Variants in CEP290 observed in about 807,000 individuals in gnomAD.
CEP290 encodes centrosomal protein 290.
In CEP290, 317 loss-of-function variants were observed where a neutral mutation model predicts 344.9. The observed-to-expected ratio is 0.92, with a 90% CI of 0.84 to 1.01. CEP290 has a LOEUF of 1.01. Among genes scored for constraint, CEP290 ranks in the 50% least tolerant of loss-of-function variants. CEP290 has a pLI of 0.00. For missense variants in CEP290, 2,754 were observed against 2,761.4 expected (o/e 1.00, Z 0.06); for synonymous variants, 932 against 895.8 (o/e 1.04, Z -0.72).
intron 39 of CEP290, 51 bp from the exon 40 acceptor site, chr12:88,077,969 A>G: frequency 1.3e-6 from 1 of 779,458 alleles, no homozygotes; most frequent in Admixed American, 3.5e-5. Flanking sequence ...AGAAGTATCA[A>G]TGATAAAAGG....
At chr12:88,097,594 TACACACACACACACATACACACACACAC>T (rs918102295) in intron 26 of CEP290, among the ~76,000 whole-genome samples, 6 of 118,674 alleles carry the variant, frequency 5.1e-5, no homozygotes, top group African/African-American at 1.8e-4. Context: ...CATATATATA[TACACACACACACACATACACACACACAC>T]ACACACACAC....
At chr12:88,139,050 T>C in intron 5 of CEP290, 95 bp downstream of exon 5, 3 of 679,176 alleles carry the variant, frequency 4.4e-6, no homozygotes, top group South Asian at 1.7e-5. Context: ...CAATCATCCT[T>C]ATAATTTTTC....
At chr12:88,085,656 C>T (rs2036523345) in intron 34 of CEP290, among the ~76,000 whole-genome samples, 1 of 152,008 alleles carries the variant, frequency 6.6e-6, no homozygotes, top group African/African-American at 2.4e-5. Flanking sequence ...ACCTTCAACC[C>T]TTTAACCATG....
At chr12:88,139,892 CGTGCCATCATGCTTGGT>C (rs1176711978) in intron 3 of CEP290, among the ~76,000 whole-genome samples, 1 of 151,902 alleles carries the variant, frequency 6.6e-6, no homozygotes, top group Non-Finnish European at 1.5e-5. Flanking sequence ...TCATGCTTGG[CGTGCCATCATGCTTGGT>C]GTGCCATCAT....
chr12:88,073,899 T>A (rs2035567905), intron 41 of CEP290, among the ~76,000 whole-genome samples: 1 of 152,212 alleles, frequency 6.6e-6, no homozygotes. Context: ...TTTTACCTTA[T>A]TTAATTCAGC....
intron 53 of CEP290, 197 bp from the exon 54 acceptor site, chr12:88,049,611 G>A: frequency 2.2e-6 from 1 of 447,612 alleles, no homozygotes; most frequent in Non-Finnish European, 4.0e-6. Flanking sequence ...GTCAAGTCCA[G>A]TTATGTATTC....
rs2039095487 is a variant in CEP290, at chr12:88,117,050, T to C, written c.1807A>G (p.Ser603Gly). ...ACTATTACCTTTGATTGTGCTTCAC[T>C]CATATTTTTGAGGCTCAATAAATCC... Reference protein sequence around the residue: ...KLDLLSLKNMSEAQSKNEFLS... With the variant: ...KLDLLSLKNMGEAQSKNEFLS... The change falls in exon 18 of 54, where the codon AGT becomes GGT. Residue 603 changes from serine (S) to glycine (G), a missense_variant. Coordinates refer to ENST00000552810, the MANE Select transcript of CEP290 (RefSeq NM_025114.4). 1.3e-6 allele frequency: 2 copies of C among 1,488,290 alleles called. No individual in the cohort carries two copies. The highest frequency in any genetic ancestry group is 1.8e-6 in the Non-Finnish European group (2 of 1,085,642). The allele number at this position is 1,488,290 out of a possible 1,614,324, so 92.2% of individuals were successfully genotyped here.
chr12:88,101,926 A>G (rs2037921819), intron 26 of CEP290, among the ~76,000 whole-genome samples: 1 of 152,216 alleles, frequency 6.6e-6, no homozygotes, highest in African/African-American at 2.4e-5. Flanking sequence ...TTACTTCTAA[A>G]TAATATTGAT....
intron 20 of CEP290, among the ~76,000 whole-genome samples, chr12:88,113,289 T>C (rs1334203173): frequency 2.0e-5 from 3 of 152,056 alleles, no homozygotes; most frequent in African/African-American, 4.8e-5. Flanking sequence ...GTAGTGGGCA[T>C]CATCACGGAC....
chr12:88,124,732 C>T (rs1471729042), intron 13 of CEP290, among the ~76,000 whole-genome samples: 1 of 151,990 alleles, frequency 6.6e-6, no homozygotes, highest in Non-Finnish European at 1.5e-5. Context: ...CCTGGCATAA[C>T]TATAGTATGT....
chr12:88,139,553 T>C lies in CEP290; in HGVS notation c.192A>G (p.Gln64=). 1.9e-6 allele frequency: 3 copies of C among 1,583,812 alleles called. No homozygotes were observed. The highest frequency in any genetic ancestry group is 2.4e-5 in the South Asian group (2 of 84,672). Residue 64 remains glutamine (Q), a synonymous_variant, in exon 4 of 54, where the codon CAA becomes CAG. Transcript: ENST00000552810. ...ITQSLMKMKA[Q]EVELALEEVE... ...CTTCTTCCAAAGCCAGCTCCACTTC[T>C]TGAGCTTTCATCTAAACATTAAAAA...
At position 88,071,413 on chromosome 12, in the gene CEP290, T is replaced by C. The variant is rs2136957684; in HGVS notation, c.5892A>G (p.Leu1964=). The C allele has an allele frequency of 7.4e-6, 12 of 1,611,352 alleles. No homozygotes were observed. Among genetic ancestry groups the C allele is most frequent in the East Asian group, 2.2e-5 (1 of 44,778 alleles). ...DKEKLTLQRK[L]KTTGMTVDQV... The stretch of plus-strand genomic sequence containing the variant: ...GATCAACAGTCATGCCAGTTGTTTT[T>C]AGTTTCCTCTGCAAAGTAAGTTTCT... The change falls in exon 43 of 54, where the codon CTA becomes CTG. Residue 1964 remains leucine (L), a synonymous_variant. Coordinates refer to ENST00000552810, the MANE Select transcript of CEP290 (RefSeq NM_025114.4).
At chr12:88,094,124 C>A in intron 27 of CEP290, 149 bp from the exon 28 acceptor site, 1 of 600,244 alleles carries the variant, frequency 1.7e-6, no homozygotes. Context: ...CTAATCTTAG[C>A]TCTGTTACTT....
In CEP290 at chr12:88,095,948, T is replaced by C. The variant is rs528831929; in HGVS notation, c.3103+940A>G. On this transcript the variant is annotated intron_variant, in intron 27 of 53. Transcript: ENST00000552810. Reference sequence around the variant, plus strand: ...TAGATATACATGAAAATGTTCACTGTGGCACTATAAGCAATAGCAAAAATA... The same window carrying C: ...TAGATATACATGAAAATGTTCACTGCGGCACTATAAGCAATAGCAAAAATA... Among the ~76,000 whole-genome samples, 355 of 152,346 alleles carry C rather than the reference T, an allele frequency of 2.3e-3. 4 individuals carry two copies. The highest frequency in any genetic ancestry group is 8.2e-3 in the African/African-American group (342 of 41,586).
intron 22 of CEP290, among the ~76,000 whole-genome samples, chr12:88,110,560 C>T (rs2038614562): frequency 6.6e-6 from 1 of 151,782 alleles, no homozygotes; most frequent in Non-Finnish European, 1.5e-5. Context: ...AAAAAAAATA[C>T]AAAAATTAGC....
intron 17 of CEP290, 83 bp from the exon 18 acceptor site, chr12:88,117,228 T>A: frequency 1.5e-6 from 1 of 679,160 alleles, no homozygotes; most frequent in Non-Finnish European, 2.4e-6. Flanking sequence ...AAACCTACAA[T>A]CAAGTTTTAA....
At position 88,128,990 on chromosome 12, in the gene CEP290, C is replaced by T. The variant is rs754420383; in HGVS notation, c.898G>A (p.Asp300Asn). The T allele has an allele frequency of 6.5e-7, 1 of 1,537,948 alleles. No homozygotes were observed. The highest frequency in any genetic ancestry group is 2.5e-5 in the East Asian group (1 of 40,308). Residue 300 changes from aspartate (D) to asparagine (N), a missense_variant, in exon 11 of 54, where the codon GAT (aspartate) becomes AAT (asparagine). Physicochemically the swap from Asp to Asn is conservative, Grantham distance 23. Coordinates refer to ENST00000552810, the MANE Select transcript of CEP290 (RefSeq NM_025114.4). ...GCATTGACAGCTACCATAATTGGAT[C>T]ATCTTCTTCATTTTTTGATTTCAGA... ...DLLKSKNEED[D>N]PIMVAVNAKV...
chr12:88,063,762 A>G (rs1215125370), intron 45 of CEP290, among the ~76,000 whole-genome samples: 1 of 152,062 alleles, frequency 6.6e-6, no homozygotes, highest in African/African-American at 2.4e-5. Context: ...GAGTATAAGG[A>G]ATTTTTTGAC....
chr12:88,124,620 T>A (rs1306895335), intron 13 of CEP290, among the ~76,000 whole-genome samples: 1 of 152,032 alleles, frequency 6.6e-6, no homozygotes, highest in Non-Finnish European at 1.5e-5. Context: ...AAATAGTGAT[T>A]CCATGCGCGT....
Sources: allele counts gnomAD v4.1 joint callset (sites outside exome capture counted in the v4.1 genomes callset), GRCh38; gene constraint gnomAD v4.1.1; transcripts MANE v1.5; gene names NCBI Gene and HGNC (gene_info 2026-07-23, HGNC 2026-07-21).